The following TBCA variants were observed in gnomAD, a reference collection of about 807,000 sequenced individuals.
The protein encoded by TBCA is tubulin-specific chaperone A.
TBCA carries 6 observed loss-of-function variants against 15.8 expected under a neutral mutation model. That is an observed-to-expected ratio of 0.38 (90% CI 0.21 to 0.75). The LOEUF (loss-of-function observed/expected upper bound fraction) is 0.75, where lower values mean the gene tolerates loss of function less well. Among genes scored for constraint, TBCA ranks in the 30% least tolerant of loss-of-function variants. TBCA has a pLI of 0.46. For missense variants in TBCA, 90 were observed against 131.2 expected (o/e 0.69, Z 1.53); for synonymous variants, 32 against 42.3 (o/e 0.76, Z 0.94).
At chr5:77,739,482 T>C (rs1372159111) in intron 1 of TBCA, among the ~76,000 whole-genome samples, 1 of 152,144 alleles carries the variant, frequency 6.6e-6, no homozygotes, top group Admixed American at 6.5e-5. Flanking sequence ...TTGAAATATC[T>C]TGCTCTATAG....
At chr5:77,694,785 A>G (rs942265059) in intron 2 of TBCA, among the ~76,000 whole-genome samples, 4 of 152,168 alleles carry the variant, frequency 2.6e-5, no homozygotes, top group Admixed American at 2.6e-4. Flanking sequence ...CATATTGAAA[A>G]CAAAAATCTC....
intron 1 of TBCA, among the ~76,000 whole-genome samples, chr5:77,775,939 G>C (rs1039224643): frequency 9.2e-5 from 14 of 152,172 alleles, no homozygotes; most frequent in African/African-American, 3.4e-4. Context: ...CGCGGGCGCC[G>C]AGAAACCGGG....
intron 1 of TBCA, among the ~76,000 whole-genome samples, chr5:77,717,845 A>C (rs947641717): frequency 7.2e-6 from 1 of 138,048 alleles, no homozygotes; most frequent in African/African-American, 2.8e-5. Flanking sequence ...AAGAAAAAAA[A>C]AAGGCCGGGG....
intron 2 of TBCA, among the ~76,000 whole-genome samples, chr5:77,701,277 A>G (rs549462999): frequency 6.6e-6 from 1 of 152,202 alleles, no homozygotes; most frequent in African/African-American, 2.4e-5. Context: ...TTCTCAAAAG[A>G]AGACATACAA....
At chr5:77,717,727 G>C (rs963042008) in intron 1 of TBCA, among the ~76,000 whole-genome samples, 2 of 152,138 alleles carry the variant, frequency 1.3e-5, no homozygotes, top group Non-Finnish European at 2.9e-5. Context: ...AACTACTCGG[G>C]AGGCTGAGGC....
At chr5:77,764,705 T>A (rs1164873950) in intron 1 of TBCA, among the ~76,000 whole-genome samples, 1 of 152,240 alleles carries the variant, frequency 6.6e-6, no homozygotes, top group Non-Finnish European at 1.5e-5. Context: ...AAAATATGTA[T>A]GTGAAACACT....
chr5:77,693,799 CAAAA>C (rs70991303), intron 2 of TBCA, among the ~76,000 whole-genome samples: 19 of 77,958 alleles, frequency 2.4e-4, no homozygotes, highest in Middle Eastern at 0.011. Flanking sequence ...AACTCCATCT[CAAAA>C]AAAAAAAAAA....
chr5:77,720,872 C>G (rs1213754778), intron 1 of TBCA, among the ~76,000 whole-genome samples: 1 of 151,962 alleles, frequency 6.6e-6, no homozygotes, highest in East Asian at 1.9e-4. Context: ...TAACTTAGAT[C>G]CAAAAGAGAT....
chr5:77,694,920 T>G (rs1561261700), intron 2 of TBCA, among the ~76,000 whole-genome samples: 1 of 152,204 alleles, frequency 6.6e-6, no homozygotes, highest in African/African-American at 2.4e-5. Flanking sequence ...CATCATTATT[T>G]TACTTCAGAG....
intron 2 of TBCA, among the ~76,000 whole-genome samples, chr5:77,695,858 C>T (rs1458117934): frequency 6.6e-6 from 1 of 152,108 alleles, no homozygotes; most frequent in South Asian, 2.1e-4. Context: ...GGATGTGGTA[C>T]TCACTGATGT....
intron 2 of TBCA, among the ~76,000 whole-genome samples, chr5:77,700,057 T>C (rs1745976444): frequency 7.7e-6 from 1 of 130,412 alleles, no homozygotes; most frequent in Admixed American, 7.8e-5. Flanking sequence ...AAAAGAAAAT[T>C]AGCCAGACAT....
At chr5:77,738,635 T>C (rs1746965166) in intron 1 of TBCA, among the ~76,000 whole-genome samples, 1 of 151,996 alleles carries the variant, frequency 6.6e-6, no homozygotes, top group African/African-American at 2.4e-5. Flanking sequence ...CAGGCTGGAG[T>C]GTGGTGGTGC....
chr5:77,694,669 C>A (rs1374848100), intron 2 of TBCA, among the ~76,000 whole-genome samples: 1 of 152,100 alleles, frequency 6.6e-6, no homozygotes, highest in African/African-American at 2.4e-5. Flanking sequence ...AATAGGTAGA[C>A]AATCTGAGCT....
chr5:77,774,777 A>C (rs905481185), intron 1 of TBCA, among the ~76,000 whole-genome samples: 1 of 152,084 alleles, frequency 6.6e-6, no homozygotes, highest in African/African-American at 2.4e-5. Flanking sequence ...TAAACTTCTA[A>C]ACTGATTGAG....
chr5:77,766,533 G>A (rs1747782930), intron 1 of TBCA, among the ~76,000 whole-genome samples: 1 of 20,338 alleles, frequency 4.9e-5, no homozygotes, highest in South Asian at 1.3e-3. Flanking sequence ...TTTTTGAGAC[G>A]GAGTCTCGTT....
At chr5:77,766,911 T>C (rs1344465199) in intron 1 of TBCA, among the ~76,000 whole-genome samples, 1 of 152,210 alleles carries the variant, frequency 6.6e-6, no homozygotes, top group African/African-American at 2.4e-5. Context: ...ATCTATTAAG[T>C]GTCTATTTGT....
At chr5:77,707,334 C>T (rs1006822870) in intron 2 of TBCA, among the ~76,000 whole-genome samples, 19 of 152,126 alleles carry the variant, frequency 1.2e-4, no homozygotes, top group South Asian at 6.2e-4. Context: ...TCAATATATG[C>T]TATCATGGGA....
At chr5:77,693,189 A>C (rs1745795088) in intron 3 of TBCA, 77 bp downstream of exon 3, 15 of 1,568,358 alleles carry the variant, frequency 9.6e-6, no homozygotes, top group South Asian at 3.5e-5. Flanking sequence ...TCTCAGTGTT[A>C]AATATTTAAA....
chr5:77,739,353 C>T lies in TBCA; in HGVS notation c.54-31006G>A, dbSNP rs183637614. 3.0e-3 allele frequency among the ~76,000 whole-genome samples: 457 copies of T among 152,210 alleles called. 1 individual carries two copies. The highest frequency in any genetic ancestry group is 4.9e-3 in the Non-Finnish European group (334 of 68,000). ...GTGCACACCTGTAATCCCAGCTACT[C>T]AGGAGGCTGAGGCACGAGCGTCGCT... On this transcript the variant is annotated intron_variant, in intron 1 of 3. Coordinates refer to ENST00000380377, the MANE Select transcript of TBCA (RefSeq NM_004607.3).
Sources: gnomAD v4.1 joint callset for allele counts (sites outside exome capture counted in the v4.1 genomes callset) on GRCh38, gnomAD v4.1.1 for gene constraint, MANE v1.5 for transcripts, NCBI Gene and HGNC (gene_info 2026-07-23, HGNC 2026-07-21) for gene names.